The following RSPH6A variants were observed in gnomAD, a reference collection of about 807,000 sequenced individuals.
The protein encoded by RSPH6A is radial spoke head 6 homolog A.
In RSPH6A, 49 loss-of-function variants were observed where a neutral mutation model predicts 66.1. The ratio of observed to expected loss-of-function variants is 0.74; its 90% CI spans 0.59 to 0.94. The LOEUF is 0.94. Among genes scored for constraint, RSPH6A ranks in the 40% least tolerant of loss-of-function variants. The pLI is 0.00. For synonymous variants in RSPH6A, 419 were observed against 402.4 expected (o/e 1.04, Z -0.49); for missense variants, 977 against 948.3 (o/e 1.03, Z -0.40).
At chr19:45,797,478 G>A (rs971823292) in intron 5 of RSPH6A, among the ~76,000 whole-genome samples, 1 of 151,772 alleles carries the variant, frequency 6.6e-6, no homozygotes, top group African/African-American at 2.4e-5. Context: ...ATTTTATGTT[G>A]GATATCAATT....
In RSPH6A at chr19:45,814,666, G is replaced by A. The variant is rs745446064; in HGVS notation, c.511C>T (p.Pro171Ser). The change falls in exon 1 of 6, where the codon CCT (proline) becomes TCT (serine). Residue 171 changes from proline to serine, a missense_variant. Coordinates refer to ENST00000221538, the MANE Select transcript of RSPH6A (RefSeq NM_030785.4). Reference protein sequence around the residue: ...AQHGPYIRDDPALQFLPSELG... With the variant: ...AQHGPYIRDDSALQFLPSELG... ...TCAGAGGGCAAGAACTGAAGGGCAG[G>A]GTCATCCCTTATGTAAGGCCCGTGC... 3 of 1,611,164 alleles carry A rather than the reference G, an allele frequency of 1.9e-6. No homozygotes were observed. In the African/African-American group the frequency reaches 4.0e-5, roughly 22 times the overall value.
In RSPH6A at chr19:45,804,978, G is replaced by C. The variant is rs191157410; in HGVS notation, c.927C>G (p.Phe309Leu). 1.5e-5 allele frequency: 24 copies of C among 1,613,370 alleles called. No individual in the cohort carries two copies. The highest frequency in any genetic ancestry group is 8.3e-5 in the Admixed American group (5 of 60,024). ...TPVPNIMETA[F>L]YFEQAGVGLS... ...GGCCGACGCCGGCCTGCTCGAAGTA[G>C]AAGGCAGTCTCCATGATGTTGGGCA... Residue 309 changes from phenylalanine to leucine, a missense_variant, in exon 3 of 6, where the codon TTC becomes TTG. By Grantham distance (22) the Phe-to-Leu change is conservative. Transcript: ENST00000221538. This position sits in a 1 kb window ranked among gnomAD's most constrained non-coding sequence, Gnocchi z 5.8.
In RSPH6A at chr19:45,814,982, T is replaced by G. The variant is rs772309204; in HGVS notation, c.195A>C (p.Gln65His). ...PGWSQRGSLS[Q>H]QENLLMPQVF... ...CCTGGGGCATCAGCAAGTTCTCCTG[T>G]TGGGACAGGCTGCCCCTCTGTGACC... The change falls in exon 1 of 6, where the codon CAA becomes CAC. Residue 65 changes from glutamine to histidine, a missense_variant. Gln to His is a conservative substitution (Grantham distance 24). Transcript: ENST00000221538. 5 of 1,613,960 alleles carry G rather than the reference T, an allele frequency of 3.1e-6. No homozygotes were observed. The Admixed American group carries it at 8.3e-5, about 27-fold the overall frequency.
intron 3 of RSPH6A, among the ~76,000 whole-genome samples, chr19:45,803,513 C>T (rs1970498154): frequency 6.6e-6 from 1 of 151,852 alleles, no homozygotes; most frequent in African/African-American, 2.4e-5. Context: ...CCTGTCTCTC[C>T]TAAAAGTACA....
intron 1 of RSPH6A, among the ~76,000 whole-genome samples, chr19:45,813,302 C>A (rs1370908122): frequency 1.3e-5 from 2 of 152,062 alleles, no homozygotes; most frequent in Non-Finnish European, 2.9e-5. Context: ...TCCTTCAGGG[C>A]CCTAATCAAA....
intron 3 of RSPH6A, 41 bp from the exon 4 acceptor site, chr19:45,802,305 G>A (rs996434678): frequency 7.6e-6 from 10 of 1,316,436 alleles, no homozygotes; most frequent in African/African-American, 1.5e-5. Flanking sequence ...CCCAGTGCAC[G>A]GAACCCAGCC....
intron 5 of RSPH6A, among the ~76,000 whole-genome samples, chr19:45,796,381 T>C (rs1970409272): frequency 6.6e-6 from 1 of 151,682 alleles, no homozygotes; most frequent in South Asian, 2.1e-4. Flanking sequence ...CTGGAACTCC[T>C]GACCTCATGA....
Position 45,805,022 on chromosome 19 carries a change from C to G in RSPH6A, c.889-6G>C, listed in dbSNP as rs755619597. On this transcript the variant is annotated splice_region_variant and splice_polypyrimidine_tract_variant and intron_variant, in intron 2 of 5. Transcript: ENST00000221538. ...TTGGGCACTGGTGTCTCCCCCTGCG[C>G]AGGGTAGGGTGGAGGGCAGAGGGGA... 6.2e-7 allele frequency: 1 copy of G among 1,603,542 alleles called. No homozygotes were observed. The highest frequency in any genetic ancestry group is 8.5e-7 in the Non-Finnish European group (1 of 1,177,472).
Position 45,814,601 on chromosome 19 carries a change from G to A in RSPH6A, c.576C>T (p.Pro192=), listed in dbSNP as rs138776309. The part of the protein sequence containing the change: ...FPHYSAQVPE[P]EPLELAVQNA... ...TCTGCACGGCCAGCTCCAGAGGCTC[G>A]GGCTCAGGCACCTGGGCACTGTAGT... The change falls in exon 1 of 6, where the codon CCC becomes CCT. Residue 192 remains proline, a synonymous_variant. Transcript: ENST00000221538. 1.3e-3 allele frequency: 2,049 copies of A among 1,569,152 alleles called. 30 individuals are homozygous for A. Among genetic ancestry groups the A allele is most frequent in the Middle Eastern group, 1.7e-4 (1 of 5,824 alleles).
At position 45,804,221 on chromosome 19, in the gene RSPH6A, G is replaced by A. The variant is rs377082424; in HGVS notation, c.1653+31C>T. ...CATGCGTGAGCCCCCTGCTCCTGCC[G>A]TTTGTGAGAGGCGGGAGTCCCGGCG... On this transcript the variant is annotated intron_variant, in intron 3 of 5. Transcript: ENST00000221538. This position sits in a 1 kb window ranked among gnomAD's most constrained non-coding sequence, Gnocchi z 5.8. The A allele has an allele frequency of 1.1e-4, 169 of 1,567,300 alleles. No homozygotes were observed. The African/African-American group carries it at 1.7e-3, about 16-fold the overall frequency.
At chr19:45,799,027 T>C (rs899364958) in intron 5 of RSPH6A, among the ~76,000 whole-genome samples, 4 of 151,684 alleles carry the variant, frequency 2.6e-5, no homozygotes, top group African/African-American at 9.7e-5. Context: ...AAGAAGGGAG[T>C]TGGCAAAAGC....
In RSPH6A at chr19:45,800,772, A is replaced by ACTCT. The variant is rs1369553910; in HGVS notation, c.1799-210_1799-209insAGAG. Among the ~76,000 whole-genome samples, 534 of 98,218 alleles carry ACTCT rather than the reference A, an allele frequency of 5.4e-3. 4 individuals carry two copies. Among genetic ancestry groups the ACTCT allele is most frequent in the African/African-American group, 0.016 (450 of 27,604 alleles). 64.4% of individuals were successfully genotyped at this position (98,218 alleles called of 152,430 possible). A position where few individuals can be genotyped will look rare whatever the true frequency, so the allele number is the denominator to read the frequency against. On this transcript the variant is annotated intron_variant, in intron 4 of 5. Coordinates refer to ENST00000221538, the MANE Select transcript of RSPH6A (RefSeq NM_030785.4). ...CACACACACACACACACACACACAC[A>ACTCT]CACTCTCTCTCTCTCTCTCGCTCTC...
intron 1 of RSPH6A, among the ~76,000 whole-genome samples, chr19:45,813,642 G>A (rs1970659192): frequency 6.6e-6 from 1 of 152,230 alleles, no homozygotes; most frequent in Admixed American, 6.5e-5. Context: ...ACCGCACCTG[G>A]TTGGACCCCC....
Position 45,795,988 on chromosome 19 carries a change from T to C in RSPH6A, c.2035A>G (p.Ser679Gly). 6.2e-7 allele frequency: 1 copy of C among 1,613,680 alleles called. No individual in the cohort carries two copies. Among genetic ancestry groups the C allele is most frequent in the African/African-American group, 1.3e-5 (1 of 74,888 alleles). ...TGCTCCTCTTCCACTGTGGGGTCAC[T>C]CATCTCCATGATCTCTGGGCCACTG... The part of the protein sequence containing the change: ...YPSGPEIMEM[S>G]DPTVEEEQAL... Residue 679 changes from serine (S) to glycine (G), a missense_variant, in exon 6 of 6, where the codon AGT (serine) becomes GGT (glycine). Ser to Gly is a moderately conservative substitution (Grantham distance 56). Coordinates refer to ENST00000221538, the MANE Select transcript of RSPH6A (RefSeq NM_030785.4).
At chr19:45,805,838 A>T (rs952824338) in intron 2 of RSPH6A, among the ~76,000 whole-genome samples, 33 of 152,210 alleles carry the variant, frequency 2.2e-4, no homozygotes, top group Non-Finnish European at 1.5e-5. Flanking sequence ...CCACACTAGG[A>T]GAAAATTTTT....
chr19:45,800,197 GC>G (rs2146281658), intron 5 of RSPH6A, among the ~76,000 whole-genome samples: 1 of 152,336 alleles, frequency 6.6e-6, no homozygotes, highest in South Asian at 2.1e-4. Context: ...TGTGACCATA[GC>G]CAGTCCCTCC....
In RSPH6A at chr19:45,815,059, G is replaced by T. The variant is rs567033758; in HGVS notation, c.118C>A (p.Pro40Thr). Reference protein sequence around the residue: ...RDQAQALAADPEERQQIPPDA... With the variant: ...RDQAQALAADTEERQQIPPDA... ...GGAGGTATCTGCTGCCTCTCCTCGG[G>T]GTCCGCTGCCAGGGCCTGAGCTTGG... The change falls in exon 1 of 6, where the codon CCC becomes ACC. Residue 40 changes from proline to threonine, a missense_variant. Transcript: ENST00000221538. The T allele has an allele frequency of 3.1e-6, 5 of 1,613,630 alleles. No homozygotes were observed. The Admixed American group carries it at 5.0e-5, about 16-fold the overall frequency.
intron 4 of RSPH6A, among the ~76,000 whole-genome samples, chr19:45,800,813 G>C (rs1970465328): frequency 1.5e-5 from 2 of 131,860 alleles, no homozygotes; most frequent in Non-Finnish European, 1.6e-5. Flanking sequence ...TTTTTTTTTG[G>C]AGACAGAGTC....
rs1467406379 is a variant in RSPH6A at position 45,815,266 on chromosome 19, G to A, written c.-90C>T. ...ACCTGTCGACACCGCCGGTTTCTGA[G>A]CACCGAGAGAGGGGGCCGTTACCCG... is the stretch of plus-strand genomic sequence containing the variant. On this transcript the variant is annotated 5_prime_UTR_variant, in exon 1 of 6. Coordinates refer to ENST00000221538, the MANE Select transcript of RSPH6A (RefSeq NM_030785.4). 5.1e-6 allele frequency: 7 copies of A among 1,367,488 alleles called. No individual in the cohort carries two copies. In the Admixed American group the frequency reaches 1.6e-4, roughly 32 times the overall value. 84.7% of individuals were successfully genotyped at this position (1,367,488 alleles called of 1,614,324 possible).
Sources: allele counts gnomAD v4.1 joint callset (sites outside exome capture counted in the v4.1 genomes callset), GRCh38; gene constraint gnomAD v4.1.1; non-coding constraint Gnocchi (gnomAD v3.1); transcripts MANE v1.5; gene names NCBI Gene and HGNC (gene_info 2026-07-23, HGNC 2026-07-21).